Variants in NDUFAF5 observed in about 807,000 individuals in gnomAD.
NDUFAF5 encodes arginine-hydroxylase NDUFAF5, mitochondrial.
A neutral mutation model predicts 48.9 loss-of-function variants in NDUFAF5; 34 were observed. The ratio of observed to expected loss-of-function variants is 0.70; its 90% CI spans 0.53 to 0.93. The LOEUF (loss-of-function observed/expected upper bound fraction) is 0.93. Among genes scored for constraint, NDUFAF5 ranks in the 40% least tolerant of loss-of-function variants. NDUFAF5 has a pLI of 0.00. For synonymous variants in NDUFAF5, 153 were observed against 150.6 expected, an observed-to-expected ratio of 1.02 and a Z score of -0.12; for missense variants, 428 against 427.5, an observed-to-expected ratio of 1.00 and a Z score of -0.01.
At chr20:13,786,004 G>T (rs1436199142) in intron 1 of NDUFAF5, among the ~76,000 whole-genome samples, 3 of 152,142 alleles carry the variant, frequency 2.0e-5, no homozygotes, top group Admixed American at 6.5e-5. Flanking sequence ...TCAGTGGAGT[G>T]ATCTGACTTA....
chr20:13,805,422 T>C (rs888671585), intron 7 of NDUFAF5, among the ~76,000 whole-genome samples: 66 of 152,238 alleles, frequency 4.3e-4, no homozygotes, highest in Admixed American at 4.2e-3. Context: ...CCTACATTTC[T>C]ATTAATTGGG....
chr20:13,805,339 T>C (rs1302799606), intron 7 of NDUFAF5, among the ~76,000 whole-genome samples: 2 of 152,232 alleles, frequency 1.3e-5, no homozygotes, highest in African/African-American at 4.8e-5. Context: ...CATGGTTTTC[T>C]GTGGTTATAA....
intron 7 of NDUFAF5, among the ~76,000 whole-genome samples, chr20:13,805,240 A>G (rs151326083): frequency 5.6e-4 from 86 of 152,300 alleles, no homozygotes; most frequent in Non-Finnish European, 1.0e-3. Context: ...TTAGTCAGCA[A>G]TATTACAGGA....
rs1981731386 is a variant in NDUFAF5, at chr20:13,789,019, A to G, written c.327+367A>G. Among the ~76,000 whole-genome samples the G allele has an allele frequency of 2.0e-5, 3 of 152,220 alleles. No homozygotes were observed. The South Asian group carries it at 6.2e-4, about 31-fold the overall frequency. On this transcript the variant is annotated intron_variant, in intron 3 of 10. Coordinates refer to ENST00000378106, the MANE Select transcript of NDUFAF5 (RefSeq NM_024120.5). ...ATATTAATTTTATCAGTTGATTAGA[A>G]ATCTTTCTGTATCATTAAATATAAG...
intron 7 of NDUFAF5, among the ~76,000 whole-genome samples, chr20:13,806,764 G>A (rs1257979387): frequency 6.6e-6 from 1 of 152,160 alleles, no homozygotes; most frequent in Admixed American, 6.5e-5. Flanking sequence ...GATGATGAAT[G>A]TTCATGGTCT....
intron 7 of NDUFAF5, among the ~76,000 whole-genome samples, chr20:13,804,353 C>A (rs1462755453): frequency 2.0e-5 from 3 of 152,018 alleles, no homozygotes; most frequent in Non-Finnish European, 4.4e-5. Flanking sequence ...CCAGGACTCT[C>A]CAAACCACAC....
chr20:13,814,542 TACTC>T (rs773978908), intron 8 of NDUFAF5: 29 of 1,111,392 alleles, frequency 2.6e-5, no homozygotes, highest in Middle Eastern at 2.5e-4. Flanking sequence ...TTTTAAACAA[TACTC>T]AGTATTGTTT....
intron 1 of NDUFAF5, among the ~76,000 whole-genome samples, chr20:13,785,933 A>G (rs754195065): frequency 1.3e-5 from 2 of 152,154 alleles, no homozygotes; most frequent in Non-Finnish European, 2.9e-5. Context: ...GAAATTACAT[A>G]TGTGGCTCTC....
Position 13,808,902 on chromosome 20 carries a change from G to A in NDUFAF5, c.778G>A (p.Gly260Ser). 6.3e-7 allele frequency: 1 copy of A among 1,596,796 alleles called. No individual in the cohort carries two copies. Among genetic ancestry groups the A allele is most frequent in the East Asian group, 2.2e-5 (1 of 44,792 alleles). ...GMFELMEDLQ[G>S]MGESNCAWNR... ...GTTTGAATTGATGGAAGATTTACAA[G>A]GTAAGGCACTTTAAAGAATTTTTAG... Residue 260 changes from glycine to serine, a missense_variant and splice_region_variant, in exon 8 of 11, where the codon GGT (glycine) becomes AGT (serine). Coordinates refer to ENST00000378106, the MANE Select transcript of NDUFAF5 (RefSeq NM_024120.5).
intron 8 of NDUFAF5, among the ~76,000 whole-genome samples, chr20:13,812,065 G>C (rs947563732): frequency 1.3e-5 from 2 of 152,208 alleles, no homozygotes; most frequent in African/African-American, 4.8e-5. Flanking sequence ...AAAGAGAACA[G>C]TTACCTGTCA....
At chr20:13,808,315 G>A (rs79850247) in intron 7 of NDUFAF5, among the ~76,000 whole-genome samples, 3,913 of 152,250 alleles carry the variant, frequency 0.026, 157 homozygotes, top group African/African-American at 0.086. Flanking sequence ...TCAAAAAGAA[G>A]AGGAAGTCAT....
intron 3 of NDUFAF5, among the ~76,000 whole-genome samples, chr20:13,789,457 G>A (rs1277657175): frequency 1.3e-5 from 2 of 150,616 alleles, no homozygotes; most frequent in Non-Finnish European, 3.0e-5. Context: ...GAGCTACTGC[G>A]CCCAGCCTTA....
At position 13,818,399 on chromosome 20, in the gene NDUFAF5, C is replaced by A; in HGVS notation, c.*1189C>A. On this transcript the variant is annotated 3_prime_UTR_variant, in exon 11 of 11. Coordinates refer to ENST00000378106, the MANE Select transcript of NDUFAF5 (RefSeq NM_024120.5). ...GCTTGGTAGCTTTTTTGTTTTAACACAAAGTAAACCTGTGAAGTAGAATTT... is the reference window on the plus strand; with the variant it reads ...GCTTGGTAGCTTTTTTGTTTTAACAAAAAGTAAACCTGTGAAGTAGAATTT... 2.9e-6 allele frequency: 1 copy of A among 340,252 alleles called. No individual in the cohort carries two copies. 21.1% of individuals were successfully genotyped at this position (340,252 alleles called of 1,614,324 possible).
At chr20:13,814,437 G>T (rs2147619942) in intron 8 of NDUFAF5, 1 of 1,288,542 alleles carries the variant, frequency 7.8e-7, no homozygotes, top group South Asian at 1.2e-5. Flanking sequence ...CCAGAATGTT[G>T]ACCTAATTTT....
chr20:13,789,279 C>T (rs547895811), intron 3 of NDUFAF5, among the ~76,000 whole-genome samples: 35 of 151,928 alleles, frequency 2.3e-4, no homozygotes, highest in Admixed American at 6.5e-4. Flanking sequence ...ATTCTCCTGC[C>T]GCAGCCTCCC....
At chr20:13,786,031 A>C (rs1395567758) in intron 1 of NDUFAF5, among the ~76,000 whole-genome samples, 1 of 152,150 alleles carries the variant, frequency 6.6e-6, no homozygotes, top group East Asian at 1.9e-4. Flanking sequence ...AGGAAGATCA[A>C]ATTAAGATTT....
chr20:13,805,865 T>A (rs1358437428), intron 7 of NDUFAF5, among the ~76,000 whole-genome samples: 1 of 152,016 alleles, frequency 6.6e-6, no homozygotes, highest in African/African-American at 2.4e-5. Flanking sequence ...ACGTTGAGGC[T>A]GCAGTGAGCC....
Position 13,801,604 on chromosome 20 carries a change from C to T in NDUFAF5, c.638C>T (p.Ser213Phe). The change falls in exon 7 of 11, where the codon TCT (serine) becomes TTT (phenylalanine). Residue 213 changes from serine (S) to phenylalanine (F), a missense_variant. Physicochemically the swap from Ser to Phe is radical, Grantham distance 155. Transcript: ENST00000378106. ...GAAACGGAAAGGGAAGGAGGATTTT[C>T]TCCACACATTTCTCCTTTCACTGCT... ...LAETEREGGFSPHISPFTAVN... is the reference protein window; with the variant it reads ...LAETEREGGFFPHISPFTAVN... The T allele has an allele frequency of 1.2e-6, 2 of 1,614,084 alleles. No homozygotes were observed. Among genetic ancestry groups the T allele is most frequent in the Non-Finnish European group, 1.7e-6 (2 of 1,180,006 alleles).
chr20:13,787,133 T>C (rs1408087401), intron 1 of NDUFAF5, 179 bp from the exon 2 acceptor site: 2 of 674,118 alleles, frequency 3.0e-6, no homozygotes, highest in Admixed American at 2.2e-5. Flanking sequence ...GAAATTGACT[T>C]CTGAAATAAT....
Sources: gnomAD v4.1 joint callset for allele counts (sites outside exome capture counted in the v4.1 genomes callset) on GRCh38, gnomAD v4.1.1 for gene constraint, MANE v1.5 for transcripts, NCBI Gene and HGNC (gene_info 2026-07-23, HGNC 2026-07-21) for gene names.